The following DOCK9 variants were observed in gnomAD, a reference collection of about 807,000 sequenced individuals.
The protein encoded by DOCK9 is dedicator of cytokinesis protein 9.
A neutral mutation model predicts 263.3 loss-of-function variants in DOCK9; 89 were observed. That is an observed-to-expected ratio of 0.34 (90% CI 0.28 to 0.40). DOCK9 has a LOEUF of 0.40. Ranked by LOEUF, DOCK9 falls within the 10% of genes least tolerant of loss-of-function variation. DOCK9 has a pLI of 1.00. For synonymous variants in DOCK9, 976 were observed against 973.1 expected (o/e 1.00, Z -0.06); for missense variants, 2,140 against 2,603.4 (o/e 0.82, Z 3.87).
At chr13:99,084,028 G>A (rs2042231729) in intron 1 of DOCK9, among the ~76,000 whole-genome samples, 1 of 152,210 alleles carries the variant, frequency 6.6e-6, no homozygotes, top group South Asian at 2.1e-4. Context: ...CAGATGCACA[G>A]ACCATGGGAT....
chr13:99,009,253 G>T (rs1884043435), intron 1 of DOCK9, among the ~76,000 whole-genome samples: 2 of 152,224 alleles, frequency 1.3e-5, no homozygotes, highest in Non-Finnish European at 2.9e-5. Context: ...GGCAATCTTA[G>T]TTATGACACA....
At position 98,867,448 on chromosome 13, in the gene DOCK9, T is replaced by C; in HGVS notation, c.3263A>G (p.Lys1088Arg). 3 of 1,607,926 alleles carry C rather than the reference T, an allele frequency of 1.9e-6. No individual in the cohort carries two copies. The highest frequency in any genetic ancestry group is 2.6e-6 in the Non-Finnish European group (3 of 1,175,628). ...ACCTTGGTATCTTTGAATCCTGCCT[T>C]TTCCAAATGGCATTGGTAAGTTCAA... Reference protein sequence around the residue: ...IPLNLPMPFGKGRIQRYQDLQ... With the variant: ...IPLNLPMPFGRGRIQRYQDLQ... Residue 1088 changes from lysine (K) to arginine (R), a missense_variant, in exon 30 of 53, where the codon AAA becomes AGA. By Grantham distance (26) the Lys-to-Arg change is conservative (BLOSUM62 2). Transcript: ENST00000682017.
intron 30 of DOCK9, among the ~76,000 whole-genome samples, chr13:98,866,416 T>C (rs746851308): frequency 3.9e-5 from 6 of 152,218 alleles, no homozygotes; most frequent in Non-Finnish European, 7.3e-5. Context: ...GGAAACAGAC[T>C]GAATGAATGC....
intron 10 of DOCK9, among the ~76,000 whole-genome samples, chr13:98,903,879 A>G (rs2048701648): frequency 6.6e-6 from 1 of 152,230 alleles, no homozygotes; most frequent in Non-Finnish European, 1.5e-5. Flanking sequence ...GAAGCCAGAA[A>G]CAAAGGACAA....
chr13:98,967,934 C>T (rs1360069836), intron 1 of DOCK9, among the ~76,000 whole-genome samples: 3 of 151,710 alleles, frequency 2.0e-5, no homozygotes, highest in Non-Finnish European at 4.4e-5. Flanking sequence ...GTAAGGAAAA[C>T]TCACATTTAA....
At chr13:99,076,256 T>C (rs1188910850) in intron 1 of DOCK9, among the ~76,000 whole-genome samples, 1 of 152,266 alleles carries the variant, frequency 6.6e-6, no homozygotes, top group Non-Finnish European at 1.5e-5. Context: ...TTTTATTCCT[T>C]GTATTTTTGT....
chr13:98,883,809 A>T lies in DOCK9; in HGVS notation c.2469+4T>A. 1 of 1,593,146 alleles carries T rather than the reference A, an allele frequency of 6.3e-7. No individual in the cohort carries two copies. The highest frequency in any genetic ancestry group is 8.5e-7 in the Non-Finnish European group (1 of 1,171,916). On this transcript the variant is annotated splice_donor_region_variant and intron_variant, in intron 22 of 52. Transcript: ENST00000682017. Reference sequence around the variant, plus strand: ...ACTGCTAATTTTGTTGAAGGAGCACATACCTGAGTATACACTGTAGAAACC... The same window carrying T: ...ACTGCTAATTTTGTTGAAGGAGCACTTACCTGAGTATACACTGTAGAAACC...
At chr13:98,876,243 G>A (rs745788681) in intron 27 of DOCK9, among the ~76,000 whole-genome samples, 22 of 152,208 alleles carry the variant, frequency 1.4e-4, no homozygotes, top group Admixed American at 3.9e-4. Flanking sequence ...TGTAATCCCA[G>A]CACTTTAGGA....
At chr13:99,086,278 G>A (rs2042338781) in exon 1 of DOCK9, 21 of 1,496,720 alleles carry the variant, frequency 1.4e-5, no homozygotes, top group Non-Finnish European at 1.7e-5. Flanking sequence ...CTCGGCCGCC[G>A]TGCCCGGCTT....
At chr13:98,870,070 T>G (rs1381828542) in intron 27 of DOCK9, among the ~76,000 whole-genome samples, 2 of 152,250 alleles carry the variant, frequency 1.3e-5, no homozygotes, top group Non-Finnish European at 2.9e-5. Flanking sequence ...TATTATGGCC[T>G]GTTTTTGAGC....
chr13:98,839,489 C>T (rs1477496408), intron 38 of DOCK9, among the ~76,000 whole-genome samples: 1 of 152,206 alleles, frequency 6.6e-6, no homozygotes, highest in Non-Finnish European at 1.5e-5. Flanking sequence ...GTTATCAGAC[C>T]AACCAAAATG....
chr13:99,074,842 T>C (rs1386164833), intron 1 of DOCK9, among the ~76,000 whole-genome samples: 1 of 152,208 alleles, frequency 6.6e-6, no homozygotes, highest in Non-Finnish European at 1.5e-5. Context: ...CTCCTCTTCT[T>C]CTTTTTGGGT....
chr13:99,086,372 C>T (rs1194646355), exon 1 of DOCK9: 2 of 1,210,084 alleles, frequency 1.7e-6, no homozygotes, highest in Non-Finnish European at 2.1e-6. Context: ...CCGCCGCCTC[C>T]GCCTCCGCCT....
rs149220419 is a variant in DOCK9, at chr13:98,948,723, T to C, written c.243+6712A>G. Among the ~76,000 whole-genome samples the C allele has an allele frequency of 6.9e-3, 1,058 of 152,258 alleles. 16 individuals carry two copies. Among genetic ancestry groups the C allele is most frequent in the South Asian group, 0.047 (226 of 4,828 alleles). ...AACTCCCCATTGCTCCCCACCTCCATCCCTAGTAACCAGCATTCTACTTTC... is the reference window on the plus strand; with the variant it reads ...AACTCCCCATTGCTCCCCACCTCCACCCCTAGTAACCAGCATTCTACTTTC... On this transcript the variant is annotated intron_variant, in intron 2 of 52. Coordinates refer to ENST00000682017, the MANE Select transcript of DOCK9 (RefSeq NM_001366683.2).
Position 98,883,028 on chromosome 13 carries a change from A to C in DOCK9, c.2559+14T>G, listed in dbSNP as rs756305301. On this transcript the variant is annotated intron_variant, in intron 23 of 52. Coordinates refer to ENST00000682017, the MANE Select transcript of DOCK9 (RefSeq NM_001366683.2). ...ACTCACTTAAAAGGGGATACTAAGA[A>C]AGCCATGTGATACCTTAAGGTACTT... 6.2e-7 allele frequency: 1 copy of C among 1,606,804 alleles called. No homozygotes were observed. The highest frequency in any genetic ancestry group is 1.3e-5 in the African/African-American group (1 of 74,494).
At chr13:99,047,297 G>A (rs1304726947) in intron 1 of DOCK9, among the ~76,000 whole-genome samples, 1 of 152,120 alleles carries the variant, frequency 6.6e-6, no homozygotes, top group Admixed American at 6.6e-5. Flanking sequence ...TCTCTGGATG[G>A]GGCAGAGAAC....
At chr13:98,845,719 G>A (rs189243213) in intron 38 of DOCK9, among the ~76,000 whole-genome samples, 5 of 152,316 alleles carry the variant, frequency 3.3e-5, no homozygotes, top group Admixed American at 2.0e-4. Context: ...TAGTGCTGTA[G>A]TTGAGCACGT....
chr13:99,008,234 A>ATCTTTTT (rs1233268084), intron 1 of DOCK9, among the ~76,000 whole-genome samples: 1 of 94,100 alleles, frequency 1.1e-5, no homozygotes, highest in Non-Finnish European at 2.0e-5. Flanking sequence ...ATATATATAT[A>ATCTTTTT]TTTTTTTTTT....
At chr13:98,819,960 T>C (rs955050148) in intron 45 of DOCK9, among the ~76,000 whole-genome samples, 1 of 152,260 alleles carries the variant, frequency 6.6e-6, no homozygotes, top group Non-Finnish European at 1.5e-5. Context: ...GCAGCAATTC[T>C]GCAATGGCAA....
Sources: gnomAD v4.1 joint callset for allele counts (sites outside exome capture counted in the v4.1 genomes callset) on GRCh38, gnomAD v4.1.1 for gene constraint, MANE v1.5 for transcripts, NCBI Gene and HGNC (gene_info 2026-07-23, HGNC 2026-07-21) for gene names.